Variants in DDX10 observed in about 807,000 individuals in gnomAD.
DDX10 encodes probable ATP-dependent RNA helicase DDX10.
A neutral mutation model predicts 104.3 loss-of-function variants in DDX10; 74 were observed. That is an observed-to-expected ratio of 0.71 (90% confidence interval 0.59 to 0.86). The LOEUF (loss-of-function observed/expected upper bound fraction) is 0.86, where lower values mean the gene tolerates loss of function less well. DDX10 is among the 40% of genes least tolerant of loss of function. The pLI, the probability that DDX10 is intolerant of heterozygous loss-of-function variation, is 0.00. For synonymous variants in DDX10, 351 were observed against 353.4 expected, an observed-to-expected ratio of 0.99 and a Z score of 0.08; for missense variants, 952 against 1,040.0, an observed-to-expected ratio of 0.92 and a Z score of 1.16.
chr11:108,788,947 T>C (rs751252872), intron 13 of DDX10, among the ~76,000 whole-genome samples: 21 of 152,150 alleles, frequency 1.4e-4, no homozygotes, highest in Middle Eastern at 3.4e-3. Flanking sequence ...CACATTTCCT[T>C]TGTTAGATGT....
At chr11:108,903,077 G>A (rs1349365225) in intron 16 of DDX10, among the ~76,000 whole-genome samples, 1 of 152,012 alleles carries the variant, frequency 6.6e-6, no homozygotes, top group Non-Finnish European at 1.5e-5. Flanking sequence ...AGGAAAACTT[G>A]ACCCTGCAGA....
Position 108,824,857 on chromosome 11 carries a change from G to C in DDX10, c.1966-13589G>C, listed in dbSNP as rs1269751188. On this transcript the variant is annotated intron_variant, in intron 13 of 17. Transcript: ENST00000322536. ...CAGCCAGGCGAACAGAACAGTAAAT[G>C]GCCTGAACAATTTAAACAAACCAAG... Among the ~76,000 whole-genome samples the C allele has an allele frequency of 4.6e-5, 7 of 152,116 alleles. No individual in the cohort carries two copies. The East Asian group carries it at 1.4e-3, about 29-fold the overall frequency.
At chr11:108,890,926 T>C (rs1863367731) in intron 16 of DDX10, among the ~76,000 whole-genome samples, 1 of 152,194 alleles carries the variant, frequency 6.6e-6, no homozygotes, top group Non-Finnish European at 1.5e-5. Flanking sequence ...GATTTTCTGC[T>C]TCCCCTCCCA....
chr11:108,789,762 C>A (rs904723991), intron 13 of DDX10, among the ~76,000 whole-genome samples: 2 of 152,158 alleles, frequency 1.3e-5, no homozygotes, highest in African/African-American at 4.8e-5. Flanking sequence ...ACCAGGAAAA[C>A]TTTGTTACTT....
At chr11:108,879,739 T>C (rs557212353) in intron 16 of DDX10, among the ~76,000 whole-genome samples, 1 of 152,344 alleles carries the variant, frequency 6.6e-6, no homozygotes, top group East Asian at 1.9e-4. Context: ...ATAAGAGTGC[T>C]ATCTGTGCAC....
intron 17 of DDX10, among the ~76,000 whole-genome samples, chr11:108,932,288 T>C (rs902623390): frequency 1.3e-5 from 2 of 151,948 alleles, no homozygotes; most frequent in Non-Finnish European, 2.9e-5. Flanking sequence ...AAGTCTTGGT[T>C]GAAAGCTTTA....
At chr11:108,824,830 C>A (rs1356361946) in intron 13 of DDX10, among the ~76,000 whole-genome samples, 1 of 151,784 alleles carries the variant, frequency 6.6e-6, no homozygotes, top group Non-Finnish European at 1.5e-5. Flanking sequence ...ATACATATTT[C>A]CCAGCCAGGC....
intron 13 of DDX10, among the ~76,000 whole-genome samples, chr11:108,782,545 T>C (rs1287463305): frequency 6.6e-6 from 1 of 152,154 alleles, no homozygotes; most frequent in Non-Finnish European, 1.5e-5. Flanking sequence ...ATAGCTGCTG[T>C]TTTTTAATGT....
At chr11:108,714,839 T>C (rs1052094951) in intron 10 of DDX10, among the ~76,000 whole-genome samples, 8 of 152,102 alleles carry the variant, frequency 5.3e-5, no homozygotes, top group African/African-American at 1.9e-4. Context: ...GTTGAGGATG[T>C]AGAAGAGACA....
At chr11:108,921,545 G>A (rs948075751) in intron 17 of DDX10, 5 of 152,318 alleles carry the variant, frequency 3.3e-5, no homozygotes, top group Non-Finnish European at 7.3e-5. Flanking sequence ...TGAGGCAATG[G>A]CTAGTACTCC....
Position 108,736,403 on chromosome 11 carries a change from T to C in DDX10, c.1965+12941T>C, listed in dbSNP as rs187178944. 2.6e-5 allele frequency among the ~76,000 whole-genome samples: 4 copies of C among 152,294 alleles called. No homozygotes were observed. The East Asian group carries it at 7.7e-4, about 29-fold the overall frequency. On this transcript the variant is annotated intron_variant, in intron 13 of 17. Coordinates refer to ENST00000322536, the MANE Select transcript of DDX10 (RefSeq NM_004398.4). ...ACGTTTTGCAGTTTATCACCCTTTCTATGCCTCTTGGGTTATCATGGATGG... is the reference window on the plus strand; with the variant it reads ...ACGTTTTGCAGTTTATCACCCTTTCCATGCCTCTTGGGTTATCATGGATGG...
intron 13 of DDX10, among the ~76,000 whole-genome samples, chr11:108,778,250 A>G (rs1383690165): frequency 2.0e-5 from 3 of 152,234 alleles, no homozygotes; most frequent in Non-Finnish European, 4.4e-5. Flanking sequence ...ATCCTAAGCC[A>G]AAAGAACAAA....
At chr11:108,885,601 C>T (rs1863286296) in intron 16 of DDX10, among the ~76,000 whole-genome samples, 1 of 152,024 alleles carries the variant, frequency 6.6e-6, no homozygotes, top group Admixed American at 6.6e-5. Context: ...TCTAGAATTC[C>T]TGACCTTGGG....
intron 15 of DDX10, among the ~76,000 whole-genome samples, chr11:108,844,234 T>C (rs574951700): frequency 2.6e-4 from 39 of 152,246 alleles, no homozygotes; most frequent in African/African-American, 7.9e-4. Context: ...ACCTTCCAAA[T>C]AGGATTTTGA....
At chr11:108,919,009 A>C (rs1033026939) in intron 17 of DDX10, 1 of 152,244 alleles carries the variant, frequency 6.6e-6, no homozygotes, top group Non-Finnish European at 1.5e-5. Context: ...ATAGAGAGCT[A>C]TAATTTGTTT....
intron 13 of DDX10, among the ~76,000 whole-genome samples, chr11:108,831,048 A>G (rs557576352): frequency 3.9e-4 from 59 of 152,158 alleles, no homozygotes; most frequent in Non-Finnish European, 6.3e-4. Flanking sequence ...TATTTAGCCA[A>G]TAGAAATGTG....
At chr11:108,846,422 C>T (rs184907326) in intron 15 of DDX10, among the ~76,000 whole-genome samples, 53 of 152,212 alleles carry the variant, frequency 3.5e-4, no homozygotes, top group Non-Finnish European at 6.5e-4. Flanking sequence ...TTGCCCATCT[C>T]CCCTGCAAGC....
At chr11:108,720,786 T>A (rs1591800746) in intron 12 of DDX10, among the ~76,000 whole-genome samples, 1 of 151,994 alleles carries the variant, frequency 6.6e-6, no homozygotes, top group Non-Finnish European at 1.5e-5. Context: ...AGAGATAGGG[T>A]TTCGCCATGT....
chr11:108,678,284 C>G, intron 4 of DDX10, 31 bp from the exon 5 acceptor site: 1 of 1,599,600 alleles, frequency 6.3e-7, no homozygotes, highest in Non-Finnish European at 8.5e-7. Flanking sequence ...AGTGATGTGT[C>G]TGTGTAATCA....
Sources: allele counts gnomAD v4.1 joint callset (sites outside exome capture counted in the v4.1 genomes callset), GRCh38; gene constraint gnomAD v4.1.1; transcripts MANE v1.5; gene names NCBI Gene and HGNC (gene_info 2026-07-23, HGNC 2026-07-21).